Variants in DNAH14 observed in about 807,000 individuals in gnomAD.
DNAH14 encodes dynein axonemal heavy chain 14, also known as axonemal beta dynein heavy chain 14.
A neutral mutation model predicts 520.9 loss-of-function variants in DNAH14; 478 were observed. The ratio of observed to expected loss-of-function variants is 0.92; its 90% CI spans 0.85 to 0.99. The LOEUF (loss-of-function observed/expected upper bound fraction) is 0.99. Among genes scored for constraint, DNAH14 ranks in the 50% least tolerant of loss-of-function variants. The pLI is 0.00. For missense variants in DNAH14, 4,831 were observed against 5,234.5 expected (o/e 0.92, Z 2.38); for synonymous variants, 1,581 against 1,757.2 (o/e 0.90, Z 2.51).
At chr1:225,151,442 C>T (rs539149644) in intron 31 of DNAH14, among the ~76,000 whole-genome samples, 20 of 152,258 alleles carry the variant, frequency 1.3e-4, no homozygotes, top group African/African-American at 4.6e-4. Context: ...CAATTGTTTT[C>T]CTGTTTTCAC....
At position 225,380,336 on chromosome 1, in the gene DNAH14, A is replaced by G; in HGVS notation, c.12880+14A>G. On this transcript the variant is annotated intron_variant, in intron 80 of 85. Transcript: ENST00000682510. ...AAAATCTCAAAGGTGAGCATGGGAC[A>G]GGAGCTTTTTCCCCTTACCTCACTC... 1 of 1,545,778 alleles carries G rather than the reference A, an allele frequency of 6.5e-7. No homozygotes were observed. The highest frequency in any genetic ancestry group is 8.7e-7 in the Non-Finnish European group (1 of 1,144,050).
intron 35 of DNAH14, among the ~76,000 whole-genome samples, chr1:225,160,046 A>G (rs965372148): frequency 1.3e-5 from 2 of 152,180 alleles, no homozygotes; most frequent in Non-Finnish European, 2.9e-5. Context: ...TAAAATATAC[A>G]TTTGACCACG....
Position 225,364,853 on chromosome 1 carries a change from TAC to T in DNAH14, c.12051_12052del (p.Tyr4017Ter). 1 of 1,549,034 alleles carries T rather than the reference TAC, an allele frequency of 6.5e-7. No homozygotes were observed. Among genetic ancestry groups the T allele is most frequent in the Non-Finnish European group, 8.7e-7 (1 of 1,146,032 alleles). On this transcript the variant is annotated frameshift_variant, in exon 76 of 86. Transcript: ENST00000682510. LOFTEE classifies it high-confidence loss of function. Reference sequence around the variant, plus strand: ...TCGGCTATGGTTAAGCTCAAAATCATACAGTTCTTTTCCAATTCCTGTTCTTA... The same window carrying T: ...TCGGCTATGGTTAAGCTCAAAATCATAGTTCTTTTCCAATTCCTGTTCTTA... Reference protein sequence around the residue: ...EFRLWLSSKSYSSFPIPVLKK... With the variant: ...EFRLWLSSKSXSSFPIPVLKK...
At chr1:225,034,822 AT>A (rs1468040600) in intron 11 of DNAH14, among the ~76,000 whole-genome samples, 1 of 152,036 alleles carries the variant, frequency 6.6e-6, no homozygotes, top group Non-Finnish European at 1.5e-5. Flanking sequence ...GTGTCTAAGA[AT>A]TTATCCATCT....
chr1:225,177,361 T>C (rs572135589), intron 36 of DNAH14, among the ~76,000 whole-genome samples: 10 of 152,306 alleles, frequency 6.6e-5, no homozygotes, highest in African/African-American at 1.7e-4. Context: ...TTGGAAAATT[T>C]GCAGCCTGAC....
At chr1:225,016,384 C>T (rs1299538420) in intron 10 of DNAH14, among the ~76,000 whole-genome samples, 1 of 152,084 alleles carries the variant, frequency 6.6e-6, no homozygotes, top group Non-Finnish European at 1.5e-5. Context: ...ATTCCAATGT[C>T]TCCTGGCCTG....
rs1230876677 is a variant in DNAH14, at chr1:225,374,270, ATTTT to A, written c.12319-412_12319-409del. Among the ~76,000 whole-genome samples, 107 of 63,406 alleles carry A rather than the reference ATTTT, an allele frequency of 1.7e-3. 2 individuals are homozygous for A. Among genetic ancestry groups the A allele is most frequent in the African/African-American group, 5.8e-3 (103 of 17,614 alleles). The allele number at this position is 63,406 out of a possible 152,430, so 41.6% of individuals were successfully genotyped here. On this transcript the variant is annotated intron_variant, in intron 77 of 85. Transcript: ENST00000682510. ...TGTCTATATATATATATATATATAT[ATTTT>A]TTTTTGAGATAGAGTCTCACTCTGT...
In DNAH14 at chr1:225,270,863, C is replaced by T; in HGVS notation, c.7668C>T (p.Phe2556=). 6.5e-7 allele frequency: 1 copy of T among 1,549,872 alleles called. No individual in the cohort carries two copies. The highest frequency in any genetic ancestry group is 8.7e-7 in the Non-Finnish European group (1 of 1,146,280). ...CACAAGACATCTTATGTACTATTTT[C>T]CAGGTAACACATCTAGTTCATTTTC... ...HPSQDILCTI[F]QAHLGIYFSI... is the part of the protein sequence containing the mutation. The change falls in exon 50 of 86, where the codon TTC becomes TTT. Residue 2556 remains phenylalanine, a synonymous_variant. Coordinates refer to ENST00000682510, the MANE Select transcript of DNAH14 (RefSeq NM_001367479.1).
chr1:225,007,672 A>C (rs1186787132), intron 10 of DNAH14, 128 bp downstream of exon 10: 2 of 582,196 alleles, frequency 3.4e-6, no homozygotes, highest in Non-Finnish European at 5.3e-6. Context: ...TAATTAACCA[A>C]CTAACTGGTA....
rs1468536202 is a variant in DNAH14, at chr1:225,074,002, T to G, written c.2425-5205T>G. On this transcript the variant is annotated intron_variant, in intron 17 of 85. Coordinates refer to ENST00000682510, the MANE Select transcript of DNAH14 (RefSeq NM_001367479.1). ...AGCTGTTTTAGGAAGTTTTTTTTTTTTTTTTTTTTTTTTTTGAGACGGAGT... is the reference window on the plus strand; with the variant it reads ...AGCTGTTTTAGGAAGTTTTTTTTTTGTTTTTTTTTTTTTTTGAGACGGAGT... Among the ~76,000 whole-genome samples the G allele has an allele frequency of 3.9e-5, 5 of 128,520 alleles. No homozygotes were observed. The East Asian group carries it at 6.9e-4, about 18-fold the overall frequency. 84.3% of individuals were successfully genotyped at this position (128,520 alleles called of 152,430 possible).
chr1:224,955,716 G>T (rs370909183), intron 3 of DNAH14, among the ~76,000 whole-genome samples: 5 of 152,034 alleles, frequency 3.3e-5, no homozygotes, highest in African/African-American at 1.2e-4. Flanking sequence ...CTGGAGCTCC[G>T]CTTCTGCCAT....
intron 15 of DNAH14, among the ~76,000 whole-genome samples, chr1:225,044,615 A>G (rs967506815): frequency 1.3e-5 from 2 of 152,170 alleles, no homozygotes; most frequent in Non-Finnish European, 2.9e-5. Context: ...ACCACCACAT[A>G]TTAAGTTACT....
chr1:225,309,528 C>CT (rs202079543), intron 60 of DNAH14, among the ~76,000 whole-genome samples: 216 of 152,260 alleles, frequency 1.4e-3, no homozygotes, highest in African/African-American at 5.1e-3. Context: ...AAGGTGCCAC[C>CT]TATCTCACTG....
At chr1:225,316,784 GCTGTTC>G (rs759938839) in intron 60 of DNAH14, among the ~76,000 whole-genome samples, 24 of 152,102 alleles carry the variant, frequency 1.6e-4, no homozygotes, top group Non-Finnish European at 1.9e-4. Context: ...GCAGACCAGA[GCTGTTC>G]CTATTTGGCC....
In DNAH14 at chr1:225,332,547, C is replaced by G. The variant is rs543065326; in HGVS notation, c.9865-744C>G. ...TGATCTTGACCAAGTTGTTTAACTT[C>G]TCTAAACTCCAAAGGCGGTGTCAAA... On this transcript the variant is annotated intron_variant, in intron 65 of 85. Coordinates refer to ENST00000682510, the MANE Select transcript of DNAH14 (RefSeq NM_001367479.1). Among the ~76,000 whole-genome samples the G allele has an allele frequency of 5.9e-5, 9 of 152,296 alleles. No homozygotes were observed. The East Asian group carries it at 1.5e-3, about 26-fold the overall frequency.
At chr1:225,376,393 C>T (rs1427860126) in intron 78 of DNAH14, among the ~76,000 whole-genome samples, 2 of 152,050 alleles carry the variant, frequency 1.3e-5, no homozygotes, top group Non-Finnish European at 2.9e-5. Flanking sequence ...TGCCAGTGCA[C>T]TCCAGCCTGG....
At chr1:225,279,767 CAGAT>C (rs2093584489) in intron 54 of DNAH14, among the ~76,000 whole-genome samples, 2 of 151,848 alleles carry the variant, frequency 1.3e-5, no homozygotes, top group African/African-American at 4.8e-5. Context: ...GACATGAAAA[CAGAT>C]AGGGAAGTGT....
intron 26 of DNAH14, among the ~76,000 whole-genome samples, chr1:225,119,671 A>G (rs1486322066): frequency 6.6e-6 from 1 of 152,086 alleles, no homozygotes; most frequent in African/African-American, 2.4e-5. Flanking sequence ...TTTACTTCCT[A>G]GGATTGTTTA....
chr1:224,953,281 C>T (rs1306464149), intron 2 of DNAH14, among the ~76,000 whole-genome samples: 2 of 152,028 alleles, frequency 1.3e-5, no homozygotes, highest in Non-Finnish European at 2.9e-5. Context: ...CACTACCACA[C>T]CTGGCTAATT....
Sources: allele counts gnomAD v4.1 joint callset (sites outside exome capture counted in the v4.1 genomes callset), GRCh38; gene constraint gnomAD v4.1.1; transcripts MANE v1.5; gene names NCBI Gene and HGNC (gene_info 2026-07-23, HGNC 2026-07-21).